The following PLEKHG6 variants were observed in gnomAD, a reference collection of about 807,000 sequenced individuals.
PLEKHG6 encodes the protein pleckstrin homology domain-containing family G member 6.
In PLEKHG6, 91 loss-of-function variants were observed where a neutral mutation model predicts 97.5. The ratio of observed to expected loss-of-function variants is 0.93; its 90% confidence interval spans 0.79 to 1.11. PLEKHG6 has a LOEUF of 1.11. Ranked by LOEUF, PLEKHG6 falls within the 50% of genes most tolerant of loss-of-function variation. The probability of loss-of-function intolerance (pLI) is 0.00; values close to 1 mark genes in which losing one functional copy is unlikely to be tolerated. For missense variants in PLEKHG6, 1,044 were observed against 1,031.0 expected (o/e 1.01, Z -0.17); for synonymous variants, 466 against 425.5 (o/e 1.10, Z -1.17).
rs1379083713 is a variant in PLEKHG6, at chr12:6,327,444, T to C, written c.1861T>C (p.Phe621Leu). 9 of 1,613,332 alleles carry C rather than the reference T, an allele frequency of 5.6e-6. No homozygotes were observed. The highest frequency in any genetic ancestry group is 7.6e-6 in the Non-Finnish European group (9 of 1,179,542). ...CCTTCGGCGGGACCCTCGCCTCACC[T>C]TCTCCACCCTGGAACTCCGGGACAT... ...RALRRDPRLTFSTLELRDIPL... is the reference protein window; with the variant it reads ...RALRRDPRLTLSTLELRDIPL... The change falls in exon 15 of 16, where the codon TTC (phenylalanine) becomes CTC (leucine). Residue 621 changes from phenylalanine to leucine, a missense_variant. Transcript: ENST00000684764.
Position 6,313,704 on chromosome 12 carries a change from A to G in PLEKHG6, c.214A>G (p.Met72Val). ...GSGQARGLSP[M>V]RLRDPEPEKR... ...TGGCCAGGCCCGAGGCCTGTCACCC[A>G]TGAGACTGCGAGATCCAGAGCCCGA... The change falls in exon 3 of 16, where the codon ATG (methionine) becomes GTG (valine). Residue 72 changes from methionine to valine, a missense_variant. Coordinates refer to ENST00000684764, the MANE Select transcript of PLEKHG6 (RefSeq NM_001384598.1). 1 of 1,613,460 alleles carries G rather than the reference A, an allele frequency of 6.2e-7. No individual in the cohort carries two copies. Among genetic ancestry groups the G allele is most frequent in the Non-Finnish European group, 8.5e-7 (1 of 1,179,782 alleles).
At chr12:6,313,528 T>A in intron 2 of PLEKHG6, 101 bp from the exon 3 acceptor site, 23 of 1,384,144 alleles carry the variant, frequency 1.7e-5, no homozygotes, top group Non-Finnish European at 2.2e-5. Flanking sequence ...CTTACCAGGG[T>A]GGGGGAACAA....
chr12:6,326,796 T>C (rs1947874066), intron 14 of PLEKHG6, among the ~76,000 whole-genome samples: 1 of 152,088 alleles, frequency 6.6e-6, no homozygotes, highest in Admixed American at 6.5e-5. Context: ...CCTACAGAGT[T>C]AGCCTGCCTA....
Position 6,319,097 on chromosome 12 carries a change from C to T in PLEKHG6, c.1513C>T (p.Gln505Ter), listed in dbSNP as rs1592029322. The T allele has an allele frequency of 1.9e-6, 3 of 1,605,276 alleles. No homozygotes were observed. The highest frequency in any genetic ancestry group is 2.2e-5 in the South Asian group (2 of 90,520). ...TDRAQWLEKT[Q>*]QAQAALQKLK... is the part of the protein sequence containing the mutation. ...CCGTGCCCAGTGGCTGGAGAAGACC[C>T]AGCAGGCCCAGGTATGGGAAAGCCA... Residue 505 changes from glutamine (Q) to a stop codon, truncating the protein, a stop_gained, in exon 13 of 16, where the codon CAG (glutamine) becomes TAG (stop). Coordinates refer to ENST00000684764, the MANE Select transcript of PLEKHG6 (RefSeq NM_001384598.1). LOFTEE classifies it high-confidence loss of function.
chr12:6,318,963 G>A (rs192288673), intron 12 of PLEKHG6, 30 bp from the exon 13 acceptor site: 21 of 1,611,598 alleles, frequency 1.3e-5, no homozygotes, highest in Middle Eastern at 3.3e-4. Context: ...AATAAAGGCT[G>A]GCCTCTTGAA....
intron 13 of PLEKHG6, among the ~76,000 whole-genome samples, chr12:6,322,470 C>T (rs992663563): frequency 1.3e-5 from 2 of 152,196 alleles, no homozygotes; most frequent in African/African-American, 4.8e-5. Context: ...GCTTCCGGCT[C>T]GGTTCACTGT....
intron 13 of PLEKHG6, among the ~76,000 whole-genome samples, chr12:6,320,232 G>A (rs1164880051): frequency 6.6e-6 from 1 of 152,190 alleles, no homozygotes; most frequent in Admixed American, 6.5e-5. Context: ...CAGAGGGCCA[G>A]TGAAGGAGTC....
At chr12:6,314,138 C>G (rs1947367790) in intron 3 of PLEKHG6, among the ~76,000 whole-genome samples, 1 of 152,206 alleles carries the variant, frequency 6.6e-6, no homozygotes, top group African/African-American at 2.4e-5. Flanking sequence ...CACCTCTCCT[C>G]CCAAGCCACA....
chr12:6,326,358 G>T (rs1947854751), intron 13 of PLEKHG6, 70 bp from the exon 14 acceptor site: 1 of 1,090,992 alleles, frequency 9.2e-7, no homozygotes, highest in Admixed American at 1.8e-5. Flanking sequence ...AACGCACTTA[G>T]CAGGGTGCCT....
In PLEKHG6 at chr12:6,317,850, C is replaced by A. The variant is rs1947538299; in HGVS notation, c.1018-7C>A. Reference sequence around the variant, plus strand: ...GTCCCTCCTCCCACACCCCCAACCCCACCTAGATTGAAGCCGTGGAGTCAT... The same window carrying A: ...GTCCCTCCTCCCACACCCCCAACCCAACCTAGATTGAAGCCGTGGAGTCAT... On this transcript the variant is annotated splice_polypyrimidine_tract_variant and splice_region_variant and intron_variant, in intron 9 of 15. Coordinates refer to ENST00000684764, the MANE Select transcript of PLEKHG6 (RefSeq NM_001384598.1). 6.4e-7 allele frequency: 1 copy of A among 1,551,250 alleles called. No homozygotes were observed. The highest frequency in any genetic ancestry group is 2.4e-5 in the East Asian group (1 of 41,022).
At chr12:6,314,413 A>T (rs112124065) in intron 3 of PLEKHG6, among the ~76,000 whole-genome samples, 204 of 152,278 alleles carry the variant, frequency 1.3e-3, no homozygotes, top group African/African-American at 4.5e-3. Flanking sequence ...AGGCTGAAGC[A>T]GGAGAATCGC....
In PLEKHG6 at chr12:6,313,865, A is replaced by T. The variant is rs71584805; in HGVS notation, c.294+81A>T. ...CCGCAGATGACCAGCAAGCTCCGGG[A>T]GCTGAGAACACAGGTCCAGGAGGCT... On this transcript the variant is annotated intron_variant, in intron 3 of 15. Coordinates refer to ENST00000684764, the MANE Select transcript of PLEKHG6 (RefSeq NM_001384598.1). The T allele has an allele frequency of 7.4e-3, 9,932 of 1,344,456 alleles. 570 individuals carry two copies. The African/African-American group carries it at 0.13, about 17-fold the overall frequency. The allele number at this position is 1,344,456 out of a possible 1,614,324, so 83.3% of individuals were successfully genotyped here. A position where few individuals can be genotyped will look rare whatever the true frequency, so the allele number is the denominator to read the frequency against.
chr12:6,321,840 A>AAAAAAAAG (rs1161331630), intron 13 of PLEKHG6, among the ~76,000 whole-genome samples: 1 of 151,260 alleles, frequency 6.6e-6, no homozygotes, highest in Non-Finnish European at 1.5e-5. Flanking sequence ...AAAAAAAAAA[A>AAAAAAAAG]AAGAAGAGGG....
At position 6,318,695 on chromosome 12, in the gene PLEKHG6, C is replaced by T. The variant is rs750124209; in HGVS notation, c.1276-50C>T. ...TGAGCCTCCTCCCGGACCAGCCCTGCCCCTGGCTCCAGCTGACCCTGTCTC... is the reference window on the plus strand; with the variant it reads ...TGAGCCTCCTCCCGGACCAGCCCTGTCCCTGGCTCCAGCTGACCCTGTCTC... On this transcript the variant is annotated intron_variant, in intron 11 of 15. Coordinates refer to ENST00000684764, the MANE Select transcript of PLEKHG6 (RefSeq NM_001384598.1). 9 of 1,591,656 alleles carry T rather than the reference C, an allele frequency of 5.7e-6. No individual in the cohort carries two copies. In the East Asian group the frequency reaches 2.0e-4, roughly 36 times the overall value.
chr12:6,315,824 G>T lies in PLEKHG6; in HGVS notation c.556-45G>T. ...GTGGGGGGTGGGAGGTGACGACACT[G>T]AAGGGCTGCGCTGGGTCCTGAGACC... On this transcript the variant is annotated intron_variant, in intron 5 of 15. Coordinates refer to ENST00000684764, the MANE Select transcript of PLEKHG6 (RefSeq NM_001384598.1). This position sits in a 1 kb window ranked among gnomAD's most constrained non-coding sequence, Gnocchi z 4.5. 6.6e-7 allele frequency: 1 copy of T among 1,521,664 alleles called. No homozygotes were observed. Among genetic ancestry groups the T allele is most frequent in the Non-Finnish European group, 8.9e-7 (1 of 1,123,968 alleles). 94.3% of individuals were successfully genotyped at this position (1,521,664 alleles called of 1,614,324 possible).
Position 6,318,762 on chromosome 12 carries a change from CCTCTT to C in PLEKHG6, c.1298_1302del (p.Phe433Ter), listed in dbSNP as rs1429723696. 1.2e-6 allele frequency: 2 copies of C among 1,613,836 alleles called. No individual in the cohort carries two copies. The highest frequency in any genetic ancestry group is 2.7e-5 in the African/African-American group (2 of 74,864). ...ACCCCCAGCTGGACGTGTACCTGTT[CCTCTT>C]CTCTGATGTGCTCCTTGTGACCAAG... On this transcript the variant is annotated frameshift_variant, in exon 12 of 16. Transcript: ENST00000684764. LOFTEE classifies it high-confidence loss of function.
chr12:6,327,195 G>A (rs188963147), intron 14 of PLEKHG6, 59 bp from the exon 15 acceptor site: 1 of 1,090,478 alleles, frequency 9.2e-7, no homozygotes, highest in East Asian at 2.4e-5. Context: ...GTGATCAAGG[G>A]AAACTCCCTG....
At position 6,316,360 on chromosome 12, in the gene PLEKHG6, G is replaced by A; in HGVS notation, c.712G>A (p.Gly238Ser). Reference sequence around the variant, plus strand: ...CACCCTGGAGGAGACTCGGGCCTCGGGCCAGCCTCTGGACCCCATTGGTCT... The same window carrying A: ...CACCCTGGAGGAGACTCGGGCCTCGAGCCAGCCTCTGGACCCCATTGGTCT... ...GPTLEETRAS[G>S]QPLDPIGLQS... The change falls in exon 7 of 16, where the codon GGC (glycine) becomes AGC (serine). Residue 238 changes from glycine (G) to serine (S), a missense_variant. Coordinates refer to ENST00000684764, the MANE Select transcript of PLEKHG6 (RefSeq NM_001384598.1). This position sits in a 1 kb window ranked among gnomAD's most constrained non-coding sequence, Gnocchi z 4.1. 6.4e-7 allele frequency: 1 copy of A among 1,568,026 alleles called. No homozygotes were observed. Among genetic ancestry groups the A allele is most frequent in the Middle Eastern group, 1.7e-4 (1 of 6,008 alleles).
At position 6,328,128 on chromosome 12, in the gene PLEKHG6, C is replaced by G. The variant is rs1565464185; in HGVS notation, c.2364-8C>G. 1.2e-6 allele frequency: 2 copies of G among 1,614,092 alleles called. No homozygotes were observed. The highest frequency in any genetic ancestry group is 2.2e-5 in the South Asian group (2 of 91,074). On this transcript the variant is annotated splice_polypyrimidine_tract_variant and splice_region_variant and intron_variant, in intron 15 of 15. Coordinates refer to ENST00000684764, the MANE Select transcript of PLEKHG6 (RefSeq NM_001384598.1). ...AATGTCGCCTAACACCCCCTCCTGT[C>G]TTTTCAGAGAGGTATGAGGAATGCA...
Sources: allele counts gnomAD v4.1 joint callset (sites outside exome capture counted in the v4.1 genomes callset), GRCh38; gene constraint gnomAD v4.1.1; non-coding constraint Gnocchi (gnomAD v3.1); transcripts MANE v1.5; gene names NCBI Gene and HGNC (gene_info 2026-07-23, HGNC 2026-07-21).